The following PLCXD3 variants were observed in gnomAD, a reference collection of about 807,000 sequenced individuals.
PLCXD3 encodes PI-PLC X domain-containing protein 3.
In PLCXD3, 19 loss-of-function variants were observed where a neutral mutation model predicts 25.5. That is an observed-to-expected ratio of 0.75 (90% CI 0.52 to 1.09). The LOEUF is 1.09. Ranked by LOEUF, PLCXD3 falls within the 50% of genes least tolerant of loss-of-function variation. The pLI, the probability that PLCXD3 is intolerant of heterozygous loss-of-function variation, is 0.00. For synonymous variants in PLCXD3, 174 were observed against 137.6 expected (o/e 1.26, Z -1.85); for missense variants, 411 against 388.1 (o/e 1.06, Z -0.50).
At chr5:41,474,692 T>G (rs1317669014) in intron 1 of PLCXD3, among the ~76,000 whole-genome samples, 3 of 152,172 alleles carry the variant, frequency 2.0e-5, no homozygotes, top group Non-Finnish European at 4.4e-5. Flanking sequence ...GCAACATATT[T>G]TCCCAGTTCA....
At chr5:41,432,223 C>T (rs138939945) in intron 1 of PLCXD3, among the ~76,000 whole-genome samples, 3 of 152,306 alleles carry the variant, frequency 2.0e-5, no homozygotes, top group African/African-American at 7.2e-5. Context: ...ATATTACTGT[C>T]CTCCCTCTCC....
chr5:41,443,394 A>C (rs975174617), intron 1 of PLCXD3, among the ~76,000 whole-genome samples: 2 of 152,108 alleles, frequency 1.3e-5, no homozygotes, highest in East Asian at 3.8e-4. Flanking sequence ...ACACTCCATG[A>C]TGTTTACACC....
chr5:41,385,837 G>A (rs1198412055), intron 1 of PLCXD3, among the ~76,000 whole-genome samples: 1 of 152,094 alleles, frequency 6.6e-6, no homozygotes, highest in African/African-American at 2.4e-5. Flanking sequence ...AAAACCAGCT[G>A]GGAGCAGAGG....
intron 1 of PLCXD3, among the ~76,000 whole-genome samples, chr5:41,397,891 A>T (rs1746059312): frequency 6.6e-6 from 1 of 152,126 alleles, no homozygotes; most frequent in African/African-American, 2.4e-5. Flanking sequence ...GGGTCCTGTA[A>T]CCCCTTTGTT....
chr5:41,493,908 C>T (rs990995533), intron 1 of PLCXD3, among the ~76,000 whole-genome samples: 2 of 152,208 alleles, frequency 1.3e-5, no homozygotes, highest in Admixed American at 6.5e-5. Context: ...CAATGCCTCG[C>T]CCTGCTTCGG....
chr5:41,471,471 C>G (rs1211430690), intron 1 of PLCXD3, among the ~76,000 whole-genome samples: 1 of 152,156 alleles, frequency 6.6e-6, no homozygotes, highest in African/African-American at 2.4e-5. Context: ...GTATTTAAAC[C>G]AGTCCTAGCC....
intron 1 of PLCXD3, among the ~76,000 whole-genome samples, chr5:41,426,683 A>T (rs1386439504): frequency 6.6e-6 from 1 of 152,132 alleles, no homozygotes; most frequent in Non-Finnish European, 1.5e-5. Flanking sequence ...TGCCCAAATG[A>T]ATTATCAAGC....
chr5:41,366,989 A>G (rs1580328087), intron 2 of PLCXD3, among the ~76,000 whole-genome samples: 1 of 152,298 alleles, frequency 6.6e-6, no homozygotes, highest in African/African-American at 2.4e-5. Flanking sequence ...TTATGACCAC[A>G]TAGTATTCTA....
At chr5:41,394,194 G>T (rs1352585952) in intron 1 of PLCXD3, among the ~76,000 whole-genome samples, 1 of 152,088 alleles carries the variant, frequency 6.6e-6, no homozygotes, top group Non-Finnish European at 1.5e-5. Flanking sequence ...CTGCTTGTTT[G>T]TTTATGTAAA....
intron 1 of PLCXD3, among the ~76,000 whole-genome samples, chr5:41,462,543 C>A (rs1747914041): frequency 6.6e-6 from 1 of 151,960 alleles, no homozygotes; most frequent in Non-Finnish European, 1.5e-5. Context: ...AAGCCTAACT[C>A]TAACATTTTG....
At chr5:41,472,743 G>C (rs1469619981) in intron 1 of PLCXD3, among the ~76,000 whole-genome samples, 1 of 152,214 alleles carries the variant, frequency 6.6e-6, no homozygotes, top group African/African-American at 2.4e-5. Context: ...TGTTAGCAAC[G>C]TGCTGGATCT....
intron 2 of PLCXD3, among the ~76,000 whole-genome samples, chr5:41,336,807 C>G (rs1311847130): frequency 6.6e-6 from 1 of 152,170 alleles, no homozygotes; most frequent in Non-Finnish European, 1.5e-5. Flanking sequence ...TTTGTTCTGA[C>G]TGCATCACAG....
At chr5:41,393,614 C>G (rs934709996) in intron 1 of PLCXD3, among the ~76,000 whole-genome samples, 1 of 151,978 alleles carries the variant, frequency 6.6e-6, no homozygotes, top group African/African-American at 2.4e-5. Context: ...TAAATCATCA[C>G]CTGAAGGTAC....
intron 1 of PLCXD3, among the ~76,000 whole-genome samples, chr5:41,487,987 T>C (rs1024172083): frequency 6.6e-6 from 1 of 151,658 alleles, no homozygotes; most frequent in Non-Finnish European, 1.5e-5. Context: ...TACATATGTA[T>C]ACATGTGGCA....
At position 41,490,612 on chromosome 5, in the gene PLCXD3, T is replaced by G. The variant is rs199856226; in HGVS notation, c.103+19812A>C. 8.3e-4 allele frequency among the ~76,000 whole-genome samples: 126 copies of G among 152,250 alleles called. 1 individual carries two copies. In the East Asian group the frequency reaches 0.016, roughly 19 times the overall value. ...TATTGATTATTGCCACAATTTCAGA[T>G]CCTGTTATTGGTCTATTCAGAGATT... is the stretch of plus-strand genomic sequence containing the variant. On this transcript the variant is annotated intron_variant, in intron 1 of 2. Coordinates refer to ENST00000377801, the MANE Select transcript of PLCXD3 (RefSeq NM_001005473.3).
intron 2 of PLCXD3, among the ~76,000 whole-genome samples, chr5:41,318,964 A>C (rs568332983): frequency 1.3e-5 from 2 of 152,234 alleles, no homozygotes; most frequent in South Asian, 2.1e-4. Flanking sequence ...AGGAGTTGCT[A>C]TACTTATATC....
At chr5:41,478,937 C>T (rs1007068875) in intron 1 of PLCXD3, among the ~76,000 whole-genome samples, 8 of 152,098 alleles carry the variant, frequency 5.3e-5, no homozygotes, top group South Asian at 2.1e-4. Flanking sequence ...AAACAGATCT[C>T]GTGAGAACTC....
intron 1 of PLCXD3, among the ~76,000 whole-genome samples, chr5:41,395,780 C>A (rs539473845): frequency 2.6e-5 from 4 of 152,022 alleles, no homozygotes; most frequent in Admixed American, 2.6e-4. Flanking sequence ...CTGAACAGAC[C>A]AGTAACAAGT....
chr5:41,452,514 G>T (rs898160860), intron 1 of PLCXD3, among the ~76,000 whole-genome samples: 2 of 151,914 alleles, frequency 1.3e-5, no homozygotes, highest in African/African-American at 4.8e-5. Flanking sequence ...TGTTAAGTAG[G>T]CATACCTTAG....
Sources: gnomAD v4.1 joint callset for allele counts (sites outside exome capture counted in the v4.1 genomes callset) on GRCh38, gnomAD v4.1.1 for gene constraint, MANE v1.5 for transcripts, NCBI Gene and HGNC (gene_info 2026-07-23, HGNC 2026-07-21) for gene names.